TPTE: variants seen among roughly 807,000 people sequenced by gnomAD.
TPTE encodes transmembrane phosphatase with tensin homology, also known as putative tyrosine-protein phosphatase TPTE.
TPTE carries 59 observed loss-of-function variants against 84.1 expected under a neutral mutation model. That is an observed-to-expected ratio of 0.70 (90% CI 0.57 to 0.87). The LOEUF (loss-of-function observed/expected upper bound fraction) is 0.87, where lower values mean the gene tolerates loss of function less well. TPTE is among the 40% of genes least tolerant of loss of function. The pLI, the probability that TPTE is intolerant of heterozygous loss-of-function variation, is 0.00. For missense variants in TPTE, 382 were observed against 659.6 expected (o/e 0.58, Z 4.61); for synonymous variants, 130 against 223.5 (o/e 0.58, Z 3.73).
At chr21:10,605,340 C>G in intron 23 of TPTE, 77 bp from the exon 24 acceptor site, 1 of 1,542,404 alleles carries the variant, frequency 6.5e-7, no homozygotes, top group Admixed American at 2.0e-5. Flanking sequence ...TTTCTTCCAG[C>G]TCTAACGTGG....
intron 3 of TPTE, among the ~76,000 whole-genome samples, chr21:10,532,179 A>C (rs1212045633): frequency 6.6e-6 from 1 of 152,308 alleles, no homozygotes; most frequent in Non-Finnish European, 1.5e-5. Flanking sequence ...TTTAAATACT[A>C]GGTTGATTTC....
chr21:10,556,755 G>A (rs866533826), intron 8 of TPTE, among the ~76,000 whole-genome samples: 1,348 of 151,742 alleles, frequency 8.9e-3, no homozygotes, highest in Non-Finnish European at 0.013. Context: ...GAGATGGTAT[G>A]TCATTGTGGT....
intron 6 of TPTE, 130 bp from the exon 7 acceptor site, chr21:10,543,199 T>A (rs1170460833): frequency 7.8e-7 from 1 of 1,276,448 alleles, no homozygotes; most frequent in South Asian, 1.3e-5. Context: ...CCAGCTAATT[T>A]TTTTTTGTAT....
intron 10 of TPTE, among the ~76,000 whole-genome samples, chr21:10,564,914 G>A (rs1272649051): frequency 6.6e-6 from 1 of 152,306 alleles, no homozygotes; most frequent in Non-Finnish European, 1.5e-5. Flanking sequence ...GGGAAAAAAT[G>A]AAAAGCTTTT....
chr21:10,600,143 T>TC (rs2075662172), intron 21 of TPTE, among the ~76,000 whole-genome samples: 6 of 146,540 alleles, frequency 4.1e-5, no homozygotes, highest in East Asian at 2.7e-4. Flanking sequence ...TCTTTTTCTT[T>TC]TTTTTTTTTT....
At chr21:10,572,496 AAAAG>A (rs1421605326) in intron 14 of TPTE, among the ~76,000 whole-genome samples, 1 of 152,298 alleles carries the variant, frequency 6.6e-6, no homozygotes, top group Non-Finnish European at 1.5e-5. Context: ...ACAGCAAGAA[AAAAG>A]CATCAAGTCA....
At chr21:10,540,019 AAAC>A (rs1176908347) in intron 4 of TPTE, among the ~76,000 whole-genome samples, 5 of 152,306 alleles carry the variant, frequency 3.3e-5, no homozygotes, top group Admixed American at 6.5e-5. Context: ...AAAAAACCAA[AAAC>A]AACAACAACA....
At chr21:10,585,241 C>CAAAAAAAAAAAAA (rs61644136) in intron 17 of TPTE, among the ~76,000 whole-genome samples, 1 of 144,200 alleles carries the variant, frequency 6.9e-6, no homozygotes, top group African/African-American at 2.5e-5. Context: ...AAAAATGAAA[C>CAAAAAAAAAAAAA]AAAAAAAAAA....
intron 8 of TPTE, among the ~76,000 whole-genome samples, chr21:10,558,666 A>T (rs370495126): frequency 0.012 from 1,801 of 151,476 alleles, no homozygotes; most frequent in South Asian, 0.062. Flanking sequence ...CTTAGGATTC[A>T]TGGCTCTTGG....
At chr21:10,566,570 C>T (rs2074925942) in intron 10 of TPTE, among the ~76,000 whole-genome samples, 1 of 152,308 alleles carries the variant, frequency 6.6e-6, no homozygotes. Context: ...TTTGTTGCAG[C>T]ACTGTTCATA....
chr21:10,533,041 A>G (rs1431078972), intron 3 of TPTE, among the ~76,000 whole-genome samples: 1 of 152,284 alleles, frequency 6.6e-6, no homozygotes, highest in Non-Finnish European at 1.5e-5. Context: ...TTCACATTTT[A>G]TTTTGCATTT....
chr21:10,589,553 C>T (rs2075426819), intron 17 of TPTE, among the ~76,000 whole-genome samples: 1 of 152,294 alleles, frequency 6.6e-6, no homozygotes, highest in South Asian at 2.1e-4. Context: ...TGCTCCCAGT[C>T]CAGGTTTGGG....
chr21:10,568,573 G>C (rs1224690131), intron 11 of TPTE, among the ~76,000 whole-genome samples: 1 of 152,308 alleles, frequency 6.6e-6, no homozygotes, highest in Non-Finnish European at 1.5e-5. Context: ...ATTTCTTTTT[G>C]TACCCTAGCT....
intron 8 of TPTE, among the ~76,000 whole-genome samples, chr21:10,555,002 G>C (rs1216922666): frequency 6.6e-6 from 1 of 152,308 alleles, no homozygotes; most frequent in Non-Finnish European, 1.5e-5. Context: ...CTGCACAAGA[G>C]AAAAATGTGT....
intron 22 of TPTE, among the ~76,000 whole-genome samples, chr21:10,603,168 C>G (rs1197610080): frequency 6.6e-6 from 1 of 152,426 alleles, no homozygotes; most frequent in African/African-American, 2.4e-5. Context: ...ATCAGAAAAT[C>G]CAATTTATAA....
At chr21:10,583,459 G>T (rs377685159) in intron 17 of TPTE, among the ~76,000 whole-genome samples, 1,817 of 149,162 alleles carry the variant, frequency 0.012, no homozygotes, top group African/African-American at 0.038. Context: ...GTAGTTCTTT[G>T]TGTATTCTGA....
At chr21:10,563,382 T>C (rs1430181067) in intron 10 of TPTE, among the ~76,000 whole-genome samples, 10 of 152,420 alleles carry the variant, frequency 6.6e-5, no homozygotes, top group African/African-American at 2.4e-4. Context: ...AACTATGATG[T>C]ATAAACTACT....
rs538394456 is a variant in TPTE at position 10,571,401 on chromosome 21, A to G, written c.795+852A>G. On this transcript the variant is annotated intron_variant, in intron 14 of 23. Coordinates refer to ENST00000618007, the MANE Select transcript of TPTE (RefSeq NM_199261.4). ...AAGCTCCCTAACATTGGAAGAGGCA[A>G]CTGTTCTCCCAGATGTGCAAAAATC... 2.4e-4 allele frequency among the ~76,000 whole-genome samples: 37 copies of G among 152,354 alleles called. No homozygotes were observed. The East Asian group carries it at 2.9e-3, about 12-fold the overall frequency.
chr21:10,539,866 G>A (rs553432815), intron 4 of TPTE, among the ~76,000 whole-genome samples: 6 of 152,426 alleles, frequency 3.9e-5, no homozygotes, highest in Admixed American at 1.3e-4. Flanking sequence ...AAAATTAACC[G>A]GGTGTGGTGG....
Sources: allele counts gnomAD v4.1 joint callset (sites outside exome capture counted in the v4.1 genomes callset), GRCh38; gene constraint gnomAD v4.1.1; transcripts MANE v1.5; gene names NCBI Gene and HGNC (gene_info 2026-07-23, HGNC 2026-07-21).